The following SORCS2 variants were observed in gnomAD, a reference collection of about 807,000 sequenced individuals.
SORCS2 encodes the protein VPS10 domain-containing receptor SorCS2.
In SORCS2, 100 loss-of-function variants were observed where a neutral mutation model predicts 141.6. The ratio of observed to expected loss-of-function variants is 0.71; its 90% CI spans 0.60 to 0.83. SORCS2 has a LOEUF of 0.83. Ranked by LOEUF, SORCS2 falls within the 40% of genes least tolerant of loss-of-function variation. The pLI is 0.00. For synonymous variants in SORCS2, 789 were observed against 676.9 expected (o/e 1.17, Z -2.57); for missense variants, 1,646 against 1,560.2 (o/e 1.05, Z -0.93).
chr4:7,553,213 T>C (rs1713848645), intron 3 of SORCS2, among the ~76,000 whole-genome samples: 1 of 151,322 alleles, frequency 6.6e-6, no homozygotes, highest in Admixed American at 6.6e-5. Context: ...CACAGATGTG[T>C]GGGTGGTGGG....
chr4:7,354,255 A>C (rs1721117733), intron 1 of SORCS2, among the ~76,000 whole-genome samples: 1 of 151,908 alleles, frequency 6.6e-6, no homozygotes, highest in African/African-American at 2.4e-5. Context: ...GACAGGACAC[A>C]CTCACCTCAA....
intron 1 of SORCS2, among the ~76,000 whole-genome samples, chr4:7,307,704 A>T (rs866360447): frequency 6.6e-6 from 1 of 152,126 alleles, no homozygotes; most frequent in African/African-American, 2.4e-5. Context: ...CAGGGCTTCA[A>T]TGGGGTCCAC....
chr4:7,615,864 A>C (rs372232647), intron 3 of SORCS2, among the ~76,000 whole-genome samples: 1 of 152,228 alleles, frequency 6.6e-6, no homozygotes, highest in Non-Finnish European at 1.5e-5. Context: ...ATTCTCTCAT[A>C]GGGCTGCCAG....
intron 2 of SORCS2, among the ~76,000 whole-genome samples, chr4:7,420,700 T>C (rs1725982593): frequency 6.6e-6 from 1 of 152,088 alleles, no homozygotes; most frequent in Admixed American, 6.5e-5. Flanking sequence ...TCTAGCAAGC[T>C]AGGGCAGTGG....
chr4:7,723,814 T>A lies in SORCS2; in HGVS notation c.2542T>A (p.Tyr848Asn). 3 of 1,613,666 alleles carry A rather than the reference T, an allele frequency of 1.9e-6. No homozygotes were observed. The highest frequency in any genetic ancestry group is 2.5e-6 in the Non-Finnish European group (3 of 1,179,888). Residue 848 changes from tyrosine to asparagine, a missense_variant, in exon 19 of 27, where the codon TAC becomes AAC. Physicochemically the swap from Tyr to Asn is moderately radical, Grantham distance 143 (BLOSUM62 -2). Coordinates refer to ENST00000507866, the MANE Select transcript of SORCS2 (RefSeq NM_020777.3). ...GCACCGCTACGAGAGCCCCGGCATC[T>A]ACCGCGTGTCCGTCAGGGCAGAGAA... is the stretch of plus-strand genomic sequence containing the variant. ...IRHRYESPGIYRVSVRAENTA... is the reference protein window; with the variant it reads ...IRHRYESPGINRVSVRAENTA...
chr4:7,561,084 A>G (rs1714504845), intron 3 of SORCS2, among the ~76,000 whole-genome samples: 1 of 152,080 alleles, frequency 6.6e-6, no homozygotes, highest in African/African-American at 2.4e-5. Flanking sequence ...CCTCCTCTCC[A>G]TAGCTTTAGG....
intron 2 of SORCS2, among the ~76,000 whole-genome samples, chr4:7,525,302 G>A (rs1314725256): frequency 6.6e-6 from 1 of 152,130 alleles, no homozygotes; most frequent in Non-Finnish European, 1.5e-5. Flanking sequence ...GGTGCCTGCA[G>A]GTTAAGGATG....
intron 2 of SORCS2, among the ~76,000 whole-genome samples, chr4:7,419,151 C>T (rs908518405): frequency 9.2e-5 from 14 of 152,260 alleles, no homozygotes; most frequent in African/African-American, 3.4e-4. Flanking sequence ...GGTGTGGATA[C>T]AGGGAGGGGA....
intron 3 of SORCS2, among the ~76,000 whole-genome samples, chr4:7,573,867 G>C (rs1271622955): frequency 6.6e-6 from 1 of 152,170 alleles, no homozygotes; most frequent in Admixed American, 6.5e-5. Context: ...ATTTCAAGTG[G>C]CTGTCCTGCG....
At chr4:7,274,806 G>A (rs182586345) in intron 1 of SORCS2, among the ~76,000 whole-genome samples, 3 of 152,200 alleles carry the variant, frequency 2.0e-5, no homozygotes, top group Non-Finnish European at 4.4e-5. Flanking sequence ...TCCCACATCA[G>A]TGTCTTCTGG....
chr4:7,692,673 A>C lies in SORCS2; in HGVS notation c.1591+3085A>C, dbSNP rs79774576. On this transcript the variant is annotated intron_variant, in intron 11 of 26. Transcript: ENST00000507866. ...CAGGGCCAGAAGCATCCTGATGCCG[A>C]GTGTTCCTACAAGATGGTCCAGAGG... is the stretch of plus-strand genomic sequence containing the variant. Among the ~76,000 whole-genome samples the C allele has an allele frequency of 6.3e-3, 951 of 152,156 alleles. 7 individuals are homozygous for C. Among genetic ancestry groups the C allele is most frequent in the Middle Eastern group, 0.027 (8 of 294 alleles).
chr4:7,600,656 T>TAC (rs57789330), intron 3 of SORCS2, among the ~76,000 whole-genome samples: 2,963 of 140,908 alleles, frequency 0.021, 50 homozygotes, highest in East Asian at 0.056. Flanking sequence ...CATATATATA[T>TAC]ACACACACAC....
intron 2 of SORCS2, among the ~76,000 whole-genome samples, chr4:7,530,494 AC>A (rs1486831796): frequency 6.6e-6 from 1 of 152,074 alleles, no homozygotes; most frequent in Admixed American, 6.5e-5. Flanking sequence ...CGTGTGTTCC[AC>A]CCCTGTGCCT....
rs1404271614 is a variant in SORCS2, at chr4:7,648,523, C to T, written c.814-5611C>T. Among the ~76,000 whole-genome samples the T allele has an allele frequency of 3.9e-5, 6 of 152,082 alleles. No individual in the cohort carries two copies. Among genetic ancestry groups the T allele is most frequent in the African/African-American group, 1.4e-4 (6 of 41,392 alleles). On this transcript the variant is annotated intron_variant, in intron 4 of 26. Transcript: ENST00000507866. The surrounding 1 kb of genome is among the most constrained non-coding windows in gnomAD (Gnocchi z 4.2). The stretch of plus-strand genomic sequence containing the variant: ...GCCTTCTAGGTTTCAGGAGCTGGGG[C>T]AACTGCTGGGAACAAAACAGACCAA...
chr4:7,217,174 T>C (rs1728410488), intron 1 of SORCS2, among the ~76,000 whole-genome samples: 1 of 152,194 alleles, frequency 6.6e-6, no homozygotes. Context: ...CCAGCCTCAT[T>C]GGGTCCCCTC....
chr4:7,528,374 G>A (rs1193422119), intron 2 of SORCS2, among the ~76,000 whole-genome samples: 1 of 150,210 alleles, frequency 6.7e-6, no homozygotes, highest in East Asian at 1.9e-4. Context: ...GCAGGGTGAG[G>A]GGCTTCCTAG....
chr4:7,631,545 T>A (rs1489838065), intron 3 of SORCS2, among the ~76,000 whole-genome samples: 1 of 152,132 alleles, frequency 6.6e-6, no homozygotes, highest in East Asian at 1.9e-4. Context: ...TCTCCTCCAC[T>A]TTGGCCCAGC....
At chr4:7,393,706 G>C (rs905455813) in intron 1 of SORCS2, among the ~76,000 whole-genome samples, 30 of 152,266 alleles carry the variant, frequency 2.0e-4, no homozygotes, top group Admixed American at 1.8e-3. Context: ...TGTGGGGCTC[G>C]TCGGTGGCAG....
rs544942479 is a variant in SORCS2, at chr4:7,733,177, A to C, written c.3109-145A>C. 637 of 80,036 alleles carry C rather than the reference A, an allele frequency of 8.0e-3. 4 individuals are homozygous for C. Among genetic ancestry groups the C allele is most frequent in the African/African-American group, 0.031 (602 of 19,596 alleles). The allele number at this position is 80,036 out of a possible 1,614,324, so 5.0% of individuals were successfully genotyped here. On this transcript the variant is annotated intron_variant, in intron 23 of 26. Transcript: ENST00000507866. ...CCCTCTCCCCCACCCCCCATGGAGG[A>C]CCCCTTCACTCTCCTCCTGGTAGAA... is the stretch of plus-strand genomic sequence containing the variant.
Sources: gnomAD v4.1 joint callset for allele counts (sites outside exome capture counted in the v4.1 genomes callset) on GRCh38, gnomAD v4.1.1 for gene constraint, Gnocchi (gnomAD v3.1) non-coding constraint, MANE v1.5 for transcripts, NCBI Gene and HGNC (gene_info 2026-07-23, HGNC 2026-07-21) for gene names.